The following ANXA8 variants were observed in gnomAD, a reference collection of about 807,000 sequenced individuals.
The protein encoded by ANXA8 is annexin A8, also known as VAC-beta.
ANXA8 carries 9 observed loss-of-function variants against 26.8 expected under a neutral mutation model. The observed-to-expected ratio is 0.34, with a 90% CI of 0.20 to 0.59. The LOEUF (loss-of-function observed/expected upper bound fraction) is 0.59, where lower values mean the gene tolerates loss of function less well. Among genes scored for constraint, ANXA8 ranks in the 20% least tolerant of loss-of-function variants. ANXA8 has a pLI of 0.84. For missense variants in ANXA8, 83 were observed against 238.5 expected, an observed-to-expected ratio of 0.35 and a Z score of 4.29; for synonymous variants, 39 against 94.8, an observed-to-expected ratio of 0.41 and a Z score of 3.42.
At chr10:47,579,172 C>T in the ANXA8 span, among the ~76,000 whole-genome samples, 1 of 134,198 alleles carries the variant, frequency 7.5e-6, no homozygotes, top group East Asian at 2.0e-4. Flanking sequence ...CAGGGTCTGG[C>T]TCTGTTGCCC....
At chr10:47,891,593 G>GA in the ANXA8 span, among the ~76,000 whole-genome samples, 19 of 2,678 alleles carry the variant, frequency 7.1e-3, no homozygotes, top group Non-Finnish European at 8.1e-3. Context: ...CAAATAAATA[G>GA]AAAAAAAAAA....
At chr10:47,763,879 C>CATA in the ANXA8 span, among the ~76,000 whole-genome samples, 1 of 151,644 alleles carries the variant, frequency 6.6e-6, no homozygotes, top group Non-Finnish European at 1.5e-5. Flanking sequence ...TGTCCAGAGT[C>CATA]ATAGCCTGGG....
the ANXA8 span, among the ~76,000 whole-genome samples, chr10:47,522,437 GC>G: frequency 6.7e-6 from 1 of 150,352 alleles, no homozygotes; most frequent in East Asian, 1.9e-4. Flanking sequence ...TTTTTCTGCA[GC>G]CCCGGCTGTG....
chr10:47,681,742 C>T, the ANXA8 span, among the ~76,000 whole-genome samples: 1 of 124,126 alleles, frequency 8.1e-6, no homozygotes, highest in East Asian at 2.4e-4. Context: ...TACCATGTTG[C>T]CTAGACTGGT....
At chr10:47,557,031 G>T in the ANXA8 span, among the ~76,000 whole-genome samples, 1 of 117,434 alleles carries the variant, frequency 8.5e-6, no homozygotes, top group African/African-American at 3.5e-5. Flanking sequence ...TTTTGAGATG[G>T]AGTCTCACTC....
the ANXA8 span, among the ~76,000 whole-genome samples, chr10:47,722,977 C>T: frequency 7.3e-6 from 1 of 136,360 alleles, no homozygotes; most frequent in African/African-American, 2.7e-5. Flanking sequence ...AGGTACATTG[C>T]AAATCATTGA....
chr10:47,667,823 C>A, the ANXA8 span, among the ~76,000 whole-genome samples: 7 of 152,064 alleles, frequency 4.6e-5, no homozygotes, highest in East Asian at 1.3e-3. Flanking sequence ...CTGTAACCTC[C>A]GCCTACTGGG....
At chr10:47,696,925 G>C in the ANXA8 span, among the ~76,000 whole-genome samples, 1 of 151,248 alleles carries the variant, frequency 6.6e-6, no homozygotes, top group Non-Finnish European at 1.5e-5. Flanking sequence ...AAGAATCCTT[G>C]AGGTAATAAA....
At chr10:47,682,697 C>G in the ANXA8 span, among the ~76,000 whole-genome samples, 1 of 151,776 alleles carries the variant, frequency 6.6e-6, no homozygotes, top group Non-Finnish European at 1.5e-5. Context: ...GTCTTGAACT[C>G]CTGACCTCAT....
the ANXA8 span, among the ~76,000 whole-genome samples, chr10:47,556,405 C>A: frequency 6.6e-6 from 1 of 151,896 alleles, no homozygotes; most frequent in Non-Finnish European, 1.5e-5. Context: ...TTTACTAAGT[C>A]CAAGTTTATA....
chr10:47,693,041 T>C, the ANXA8 span, among the ~76,000 whole-genome samples: 2 of 151,594 alleles, frequency 1.3e-5, no homozygotes, highest in Non-Finnish European at 2.9e-5. Flanking sequence ...GGCCAGAATA[T>C]GTTTTCACCG....
the ANXA8 span, among the ~76,000 whole-genome samples, chr10:47,954,521 G>A: frequency 6.6e-6 from 1 of 151,110 alleles, no homozygotes; most frequent in Non-Finnish European, 1.5e-5. Flanking sequence ...ATAATTTTTA[G>A]TATATTTAAA....
chr10:47,489,874 C>T, the ANXA8 span, among the ~76,000 whole-genome samples: 1 of 148,078 alleles, frequency 6.8e-6, no homozygotes, highest in East Asian at 2.0e-4. Flanking sequence ...GTGCCACCCC[C>T]AGCCAGGACA....
At chr10:47,702,347 T>TC in the ANXA8 span, among the ~76,000 whole-genome samples, 1 of 150,398 alleles carries the variant, frequency 6.6e-6, no homozygotes, top group African/African-American at 2.4e-5. Context: ...TCTTTTCTTT[T>TC]TTTTTTTTTT....
chr10:47,733,295 CTTT>C, the ANXA8 span, among the ~76,000 whole-genome samples: 213 of 56,278 alleles, frequency 3.8e-3, 14 homozygotes, highest in Admixed American at 6.4e-3. Context: ...TTCTTTCTTT[CTTT>C]TTTTTCTTTC....
At chr10:47,588,187 A>G in the ANXA8 span, among the ~76,000 whole-genome samples, 2 of 142,028 alleles carry the variant, frequency 1.4e-5, no homozygotes, top group East Asian at 3.9e-4. Context: ...TAATCTTCCT[A>G]TGATAATTTC....
chr10:47,733,291 CT>C, the ANXA8 span, among the ~76,000 whole-genome samples: 2 of 65,192 alleles, frequency 3.1e-5, no homozygotes, highest in East Asian at 4.7e-4. Context: ...TTCTTTCTTT[CT>C]TTCTTTTTTT....
At chr10:47,951,908 A>G in the ANXA8 span, among the ~76,000 whole-genome samples, 1 of 150,282 alleles carries the variant, frequency 6.7e-6, no homozygotes, top group Admixed American at 6.6e-5. Flanking sequence ...AGGGTAATAC[A>G]CTATGACCAA....
chr10:47,501,551 T>C, the ANXA8 span, among the ~76,000 whole-genome samples: 3 of 135,930 alleles, frequency 2.2e-5, no homozygotes, highest in Admixed American at 7.5e-5. Context: ...CTACTAAAAA[T>C]ACAAAAAATT....
Sources: allele counts gnomAD v4.1 joint callset (sites outside exome capture counted in the v4.1 genomes callset), GRCh38; gene constraint gnomAD v4.1.1; transcripts MANE v1.5; gene names NCBI Gene and HGNC (gene_info 2026-07-23, HGNC 2026-07-21).